Variants in CZIB observed in about 807,000 individuals in gnomAD.
The protein encoded by CZIB is UPF0587 protein C1orf123.
In CZIB, 26 loss-of-function variants were observed where a neutral mutation model predicts 28.3. That is an observed-to-expected ratio of 0.92 (90% CI 0.67 to 1.27). The LOEUF (loss-of-function observed/expected upper bound fraction) is 1.27, where lower values mean the gene tolerates loss of function less well. Among genes scored for constraint, CZIB ranks in the 50% most tolerant of loss-of-function variants. CZIB has a pLI of 0.00. For missense variants in CZIB, 179 were observed against 197.3 expected, an observed-to-expected ratio of 0.91 and a Z score of 0.56; for synonymous variants, 78 against 71.1, an observed-to-expected ratio of 1.10 and a Z score of -0.49.
At position 53,214,567 on chromosome 1, in the gene CZIB, C is replaced by T; in HGVS notation, c.*92G>A. On this transcript the variant is annotated 3_prime_UTR_variant, in exon 8 of 8. Coordinates refer to ENST00000294360, the MANE Select transcript of CZIB (RefSeq NM_017887.3). The stretch of plus-strand genomic sequence containing the variant: ...AAGGTTTCGTATAGCCACCAGGAGA[C>T]AAGGGTCAAAGGAACGAGCCTCTGT... The T allele has an allele frequency of 9.2e-7, 1 of 1,084,840 alleles. No individual in the cohort carries two copies. The highest frequency in any genetic ancestry group is 1.3e-5 in the South Asian group (1 of 74,972). The allele number at this position is 1,084,840 out of a possible 1,614,324, so 67.2% of individuals were successfully genotyped here. A position where few individuals can be genotyped will look rare whatever the true frequency, so the allele number is the denominator to read the frequency against.
At chr1:53,216,668 C>T (rs568676481) in intron 6 of CZIB, 114 bp downstream of exon 6, 2 of 952,010 alleles carry the variant, frequency 2.1e-6, no homozygotes, top group South Asian at 2.9e-5. Context: ...ATTATTACTA[C>T]CGCTAGAAAG....
In CZIB at chr1:53,216,804, T is replaced by TC; in HGVS notation, c.316dup (p.Glu106GlyfsTer4). Reference sequence around the variant, plus strand: ...CACCTGCGGCTGGAAATCAACTGGTTCAAGGCCCCGGCACTCAAACTCCAC... The same window carrying TC: ...CACCTGCGGCTGGAAATCAACTGGTTCCAAGGCCCCGGCACTCAAACTCCAC... On this transcript the variant is annotated frameshift_variant, in exon 6 of 8. Transcript: ENST00000294360. LOFTEE classifies it high-confidence loss of function. 1 of 1,614,180 alleles carries TC rather than the reference T, an allele frequency of 6.2e-7. No homozygotes were observed. The highest frequency in any genetic ancestry group is 8.5e-7 in the Non-Finnish European group (1 of 1,180,010).
intron 4 of CZIB, 101 bp downstream of exon 4, chr1:53,218,313 A>T: frequency 6.3e-7 from 1 of 1,575,306 alleles, no homozygotes; most frequent in African/African-American, 1.3e-5. Context: ...TCGGCATCTT[A>T]GGCCTGACTC....
At position 53,220,344 on chromosome 1, in the gene CZIB, T is replaced by C. The variant is rs774530349; in HGVS notation, c.7A>G (p.Lys3Glu). 6.2e-7 allele frequency: 1 copy of C among 1,612,592 alleles called. No individual in the cohort carries two copies. Residue 3 changes from lysine to glutamate, a missense_variant and splice_region_variant, in exon 2 of 8, where the codon AAA (lysine) becomes GAA (glutamate). Transcript: ENST00000294360. Reference protein sequence around the residue: MGKIALQLKATLE... With the variant: MGEIALQLKATLE... ...GTGGCTTTGAGTTGCAGCGCGATTT[T>C]CTGAGGGGGAGGGCCAGAGCGACTG...
chr1:53,220,448 C>A (rs1460686048), intron 1 of CZIB, 104 bp from the exon 2 acceptor site: 2 of 1,566,640 alleles, frequency 1.3e-6, no homozygotes, highest in Non-Finnish European at 1.7e-6. Flanking sequence ...GGAGACACTC[C>A]TTCTGCCTCC....
Position 53,218,179 on chromosome 1 carries a change from G to A in CZIB, c.254C>T (p.Pro85Leu), listed in dbSNP as rs745990853. Residue 85 changes from proline (P) to leucine (L), a missense_variant, in exon 5 of 8, where the codon CCT becomes CTT. Physicochemically the swap from Pro to Leu is moderately conservative, Grantham distance 98. Coordinates refer to ENST00000294360, the MANE Select transcript of CZIB (RefSeq NM_017887.3). Reference protein sequence around the residue: ...SIEILSSTIKPYNAEDNENFK... With the variant: ...SIEILSSTIKLYNAEDNENFK... ...CTACAGCAGCAAACTTACATTGTAA[G>A]GCTTGATGGTGCTGCTTAAAATCTC... The A allele has an allele frequency of 1.9e-6, 3 of 1,614,152 alleles. No individual in the cohort carries two copies. Among genetic ancestry groups the A allele is most frequent in the South Asian group, 2.2e-5 (2 of 91,082 alleles).
intron 6 of CZIB, among the ~76,000 whole-genome samples, chr1:53,216,343 C>G (rs950160525): frequency 2.0e-5 from 3 of 152,202 alleles, no homozygotes; most frequent in African/African-American, 7.2e-5. Context: ...ATGTCATTTC[C>G]CAGGTTGGAC....
At chr1:53,220,401 C>T in intron 1 of CZIB, 57 bp from the exon 2 acceptor site, 2 of 1,589,378 alleles carry the variant, frequency 1.3e-6, no homozygotes, top group Non-Finnish European at 1.7e-6. Context: ...CCCACGCCTG[C>T]CCGACCCTCC....
At chr1:53,218,039 A>C in intron 5 of CZIB, 133 bp downstream of exon 5, 1 of 951,578 alleles carries the variant, frequency 1.1e-6, no homozygotes, top group South Asian at 1.6e-5. Context: ...GACTGAGTCA[A>C]AGAAGAACTA....
Position 53,214,200 on chromosome 1 carries a change from T to C in CZIB, c.*459A>G, listed in dbSNP as rs1260265237. 1.2e-5 allele frequency: 2 copies of C among 165,402 alleles called. No homozygotes were observed. Among genetic ancestry groups the C allele is most frequent in the Non-Finnish European group, 2.6e-5 (2 of 75,904 alleles). The allele number at this position is 165,402 out of a possible 1,614,324, so 10.2% of individuals were successfully genotyped here. A position where few individuals can be genotyped will look rare whatever the true frequency, so the allele number is the denominator to read the frequency against. On this transcript the variant is annotated 3_prime_UTR_variant, in exon 8 of 8. Transcript: ENST00000294360. ...ATAAAGTTTAATTTTTGCTTGAAGATGGTTCTTAATTTCTTTTAACCTAAT... is the reference window on the plus strand; with the variant it reads ...ATAAAGTTTAATTTTTGCTTGAAGACGGTTCTTAATTTCTTTTAACCTAAT...
Position 53,220,294 on chromosome 1 carries a change from C to A in CZIB, c.57G>T (p.Arg19=), listed in dbSNP as rs768856135. 7.4e-6 allele frequency: 12 copies of A among 1,613,516 alleles called. No homozygotes were observed. Among genetic ancestry groups the A allele is most frequent in the Admixed American group, 3.3e-5 (2 of 60,008 alleles). ...ACCACCGGAAGTCCTCGCCCACGGG[C>A]CGGAGGTTGGTGATGTTCTCCAGCG... is the stretch of plus-strand genomic sequence containing the variant. ...KATLENITNL[R]PVGEDFRWYL... Residue 19 remains arginine, a synonymous_variant, in exon 2 of 8, where the codon CGG becomes CGT. Coordinates refer to ENST00000294360, the MANE Select transcript of CZIB (RefSeq NM_017887.3).
chr1:53,218,826 T>G, intron 3 of CZIB, 41 bp downstream of exon 3: 3 of 1,550,140 alleles, frequency 1.9e-6, no homozygotes, highest in Non-Finnish European at 1.8e-6. Context: ...GTATGTGTGT[T>G]TGTGAGTGTT....
At chr1:53,217,981 G>C in intron 5 of CZIB, 191 bp downstream of exon 5, 1 of 634,252 alleles carries the variant, frequency 1.6e-6, no homozygotes, top group Non-Finnish European at 2.8e-6. Flanking sequence ...TCATAAGAAG[G>C]CACTGCAAGA....
At chr1:53,216,106 G>A in intron 6 of CZIB, 50 bp from the exon 7 acceptor site, 1 of 1,591,450 alleles carries the variant, frequency 6.3e-7, no homozygotes. Context: ...GAAGGCATTG[G>A]GCTATAAGTA....
chr1:53,214,895 G>T (rs1299988657), intron 7 of CZIB, among the ~76,000 whole-genome samples, 159 bp from the exon 8 acceptor site: 3 of 152,172 alleles, frequency 2.0e-5, no homozygotes, highest in Non-Finnish European at 4.4e-5. Flanking sequence ...CTGAATTCTA[G>T]CTCTTTCAGT....
chr1:53,216,883 G>A, intron 5 of CZIB, 24 bp from the exon 6 acceptor site: 1 of 1,603,560 alleles, frequency 6.2e-7, no homozygotes, highest in Non-Finnish European at 8.5e-7. Flanking sequence ...GTGTTGAGGA[G>A]GCAGGCCCAA....
intron 2 of CZIB, chr1:53,219,164 G>C (rs2100289832): frequency 1.9e-6 from 1 of 519,984 alleles, no homozygotes; most frequent in Non-Finnish European, 3.4e-6. Context: ...GTGTGGCCGG[G>C]GATTCAAGGC....
Position 53,214,587 on chromosome 1 carries a change from C to T in CZIB, c.*72G>A, listed in dbSNP as rs192205831. ...GGAGACAAGGGTCAAAGGAACGAGC[C>T]TCTGTGGGCTCTGCTGCTTAGAGTA... is the stretch of plus-strand genomic sequence containing the variant. On this transcript the variant is annotated 3_prime_UTR_variant, in exon 8 of 8. Coordinates refer to ENST00000294360, the MANE Select transcript of CZIB (RefSeq NM_017887.3). 165 of 1,348,836 alleles carry T rather than the reference C, an allele frequency of 1.2e-4. 1 individual carries two copies. The African/African-American group carries it at 2.1e-3, about 17-fold the overall frequency. 83.6% of individuals were successfully genotyped at this position (1,348,836 alleles called of 1,614,324 possible).
chr1:53,218,979 G>A, intron 2 of CZIB, 56 bp from the exon 3 acceptor site: 1 of 1,477,892 alleles, frequency 6.8e-7, no homozygotes, highest in Non-Finnish European at 9.5e-7. Flanking sequence ...AGACACCAAG[G>A]AAAGGGTAAG....
Sources: gnomAD v4.1 joint callset for allele counts (sites outside exome capture counted in the v4.1 genomes callset) on GRCh38, gnomAD v4.1.1 for gene constraint, MANE v1.5 for transcripts, NCBI Gene and HGNC (gene_info 2026-07-23, HGNC 2026-07-21) for gene names.